The following FUBP3 variants were observed in gnomAD, a reference collection of about 807,000 sequenced individuals.
FUBP3 encodes far upstream element-binding protein 3.
A neutral mutation model predicts 85.6 loss-of-function variants in FUBP3; 28 were observed. The observed-to-expected ratio is 0.33, with a 90% CI of 0.24 to 0.45. FUBP3 has a LOEUF of 0.45. Among genes scored for constraint, FUBP3 ranks in the 20% least tolerant of loss-of-function variants. The pLI is 1.00. For synonymous variants in FUBP3, 271 were observed against 271.4 expected, an observed-to-expected ratio of 1.00 and a Z score of 0.01; for missense variants, 583 against 755.1, an observed-to-expected ratio of 0.77 and a Z score of 2.67.
At chr9:130,602,853 T>C (rs1429144081) in intron 2 of FUBP3, among the ~76,000 whole-genome samples, 2 of 152,106 alleles carry the variant, frequency 1.3e-5, no homozygotes, top group African/African-American at 4.8e-5. Flanking sequence ...CTGTCTGCCC[T>C]CTTCCCTAAA....
chr9:130,602,239 G>C lies in FUBP3; in HGVS notation c.190+6651G>C, dbSNP rs1831192804. 3.3e-5 allele frequency among the ~76,000 whole-genome samples: 5 copies of C among 152,130 alleles called. No individual in the cohort carries two copies. In the South Asian group the frequency reaches 8.3e-4, roughly 25 times the overall value. On this transcript the variant is annotated intron_variant, in intron 2 of 18. Coordinates refer to ENST00000319725, the MANE Select transcript of FUBP3 (RefSeq NM_003934.2). ...CTCCATGGCTTCAGCCACCTACCAG[G>C]GGTCTTGGAACATATCCCTCATGGA...
At chr9:130,601,297 C>T (rs537721304) in intron 2 of FUBP3, among the ~76,000 whole-genome samples, 1 of 152,354 alleles carries the variant, frequency 6.6e-6, no homozygotes, top group Admixed American at 6.5e-5. Flanking sequence ...AGTGCTTTCT[C>T]ATGTTTGCCC....
intron 16 of FUBP3, among the ~76,000 whole-genome samples, chr9:130,634,063 C>A (rs1183880189): frequency 6.6e-6 from 1 of 152,178 alleles, no homozygotes; most frequent in African/African-American, 2.4e-5. Context: ...AGGCTCTGTT[C>A]CCCCATGCTG....
At chr9:130,582,234 T>TA in intron 1 of FUBP3, 1 of 152,298 alleles carries the variant, frequency 6.6e-6, no homozygotes, top group East Asian at 1.9e-4. Context: ...GAGGATGGCT[T>TA]GAGCTCAGGG....
intron 8 of FUBP3, among the ~76,000 whole-genome samples, chr9:130,620,130 A>G (rs1173905877): frequency 6.6e-6 from 1 of 152,222 alleles, no homozygotes; most frequent in Admixed American, 6.5e-5. Flanking sequence ...TTTTTATAGA[A>G]GGTGGACCCT....
chr9:130,606,317 T>C (rs1831429582), intron 2 of FUBP3, among the ~76,000 whole-genome samples: 1 of 152,126 alleles, frequency 6.6e-6, no homozygotes, highest in Admixed American at 6.5e-5. Context: ...GGGGATTGTT[T>C]TCAAAATCTA....
intron 3 of FUBP3, among the ~76,000 whole-genome samples, chr9:130,611,588 C>T (rs1831746569): frequency 6.6e-6 from 1 of 151,322 alleles, no homozygotes. Context: ...TGCACTTATT[C>T]AATCCTTTCT....
chr9:130,636,034 C>T lies in FUBP3; in HGVS notation c.1618C>T (p.Pro540Ser), dbSNP rs1414817859. ...CAGCGCTGCTCCTCAGGCCAGCTCCCCACCGGACTACACAATGGCCTGGGC... is the reference window on the plus strand; with the variant it reads ...CAGCGCTGCTCCTCAGGCCAGCTCCTCACCGGACTACACAATGGCCTGGGC... ...AASAAPQASS[P>S]PDYTMAWAEY... The change falls in exon 18 of 19, where the codon CCA becomes TCA. Residue 540 changes from proline (P) to serine (S), a missense_variant. Pro to Ser is a moderately conservative substitution (Grantham distance 74). Around this residue, in one of 3 missense-constraint regions of FUBP3, gnomAD observed 404 missense variants for 516.8 expected, o/e 0.78. Transcript: ENST00000319725. 1 of 1,584,934 alleles carries T rather than the reference C, an allele frequency of 6.3e-7. No homozygotes were observed. The highest frequency in any genetic ancestry group is 8.6e-7 in the Non-Finnish European group (1 of 1,166,904).
chr9:130,627,519 T>G (rs781595881), intron 12 of FUBP3, among the ~76,000 whole-genome samples: 5 of 152,256 alleles, frequency 3.3e-5, no homozygotes, highest in Non-Finnish European at 7.3e-5. Flanking sequence ...TCCCAGGAGC[T>G]GCCCTCGTCC....
At position 130,623,646 on chromosome 9, in the gene FUBP3, A is replaced by G. The variant is rs377086123; in HGVS notation, c.910A>G (p.Met304Val). 5.6e-6 allele frequency: 9 copies of G among 1,613,814 alleles called. No homozygotes were observed. The highest frequency in any genetic ancestry group is 7.6e-6 in the Non-Finnish European group (9 of 1,179,846). ...GISPERAAQV[M>V]GPPDRCQHAA... ...TAGTCCAGAAAGAGCTGCCCAGGTC[A>G]TGGGCCCTCCGGATCGGTGTCAGCA... The change falls in exon 11 of 19, where the codon ATG becomes GTG. Residue 304 changes from methionine to valine, a missense_variant. Physicochemically the swap from Met to Val is conservative, Grantham distance 21. This residue lies in a region of FUBP3 where 404 missense variants were observed against 516.8 expected (regional missense o/e 0.78). Transcript: ENST00000319725.
intron 2 of FUBP3, among the ~76,000 whole-genome samples, chr9:130,596,334 G>T (rs1174975783): frequency 1.3e-5 from 2 of 152,028 alleles, no homozygotes; most frequent in Non-Finnish European, 2.9e-5. Flanking sequence ...TTCTTTTTCT[G>T]TCGCTATGTA....
chr9:130,604,679 A>G (rs1338342247), intron 2 of FUBP3, among the ~76,000 whole-genome samples: 1 of 152,150 alleles, frequency 6.6e-6, no homozygotes, highest in African/African-American at 2.4e-5. Context: ...AGACAGATCA[A>G]CGAGGTCAGG....
chr9:130,613,172 G>C, intron 5 of FUBP3, 145 bp downstream of exon 5: 1 of 623,222 alleles, frequency 1.6e-6, no homozygotes, highest in Non-Finnish European at 2.9e-6. Flanking sequence ...TCCTAAATGA[G>C]AACCAGAAGG....
At chr9:130,620,585 G>T in intron 9 of FUBP3, 127 bp downstream of exon 9, 2 of 492,910 alleles carry the variant, frequency 4.1e-6, no homozygotes, top group South Asian at 3.3e-5. Flanking sequence ...GAATTCTCTG[G>T]CTCCTTAGGG....
intron 12 of FUBP3, among the ~76,000 whole-genome samples, chr9:130,629,261 A>G (rs1248254213): frequency 6.6e-6 from 1 of 152,162 alleles, no homozygotes; most frequent in Non-Finnish European, 1.5e-5. Context: ...GGGTCTGGCC[A>G]GGGTGGAAAA....
chr9:130,617,943 A>G (rs747983971), intron 8 of FUBP3, 48 bp downstream of exon 8: 4 of 812,650 alleles, frequency 4.9e-6, no homozygotes, highest in Non-Finnish European at 8.2e-6. Flanking sequence ...TGGGGCTATC[A>G]CTCGGTGGTA....
chr9:130,616,785 T>C lies in FUBP3; in HGVS notation c.567+268T>C, dbSNP rs1382001753. Among the ~76,000 whole-genome samples, 1 of 152,262 alleles carries C rather than the reference T, an allele frequency of 6.6e-6. No individual in the cohort carries two copies. Among genetic ancestry groups the C allele is most frequent in the Non-Finnish European group, 1.5e-5 (1 of 68,040 alleles). Reference sequence around the variant, plus strand: ...GAGCAGCCTTTTTGGCAGTGAGCTCTGTGAGGGCTGCTTTTATCATCATAG... The same window carrying C: ...GAGCAGCCTTTTTGGCAGTGAGCTCCGTGAGGGCTGCTTTTATCATCATAG... On this transcript the variant is annotated intron_variant, in intron 7 of 18. Coordinates refer to ENST00000319725, the MANE Select transcript of FUBP3 (RefSeq NM_003934.2). This position sits in a 1 kb window ranked among gnomAD's most constrained non-coding sequence, Gnocchi z 4.7.
At chr9:130,622,571 C>T in intron 9 of FUBP3, 137 bp from the exon 10 acceptor site, 1 of 435,524 alleles carries the variant, frequency 2.3e-6, no homozygotes, top group Non-Finnish European at 4.1e-6. Context: ...GCAGAGGCTG[C>T]AGTGAGCTGA....
At chr9:130,603,023 A>G (rs1187348693) in intron 2 of FUBP3, among the ~76,000 whole-genome samples, 2 of 152,114 alleles carry the variant, frequency 1.3e-5, no homozygotes, top group East Asian at 1.9e-4. Flanking sequence ...GAGAATCCCA[A>G]GGTAACAAAG....
Sources: allele counts gnomAD v4.1 joint callset (sites outside exome capture counted in the v4.1 genomes callset), GRCh38; gene constraint gnomAD v4.1.1; regional missense constraint gnomAD v4.1.1; non-coding constraint Gnocchi (gnomAD v3.1); transcripts MANE v1.5; gene names NCBI Gene and HGNC (gene_info 2026-07-23, HGNC 2026-07-21).